The following COP1 variants were observed in gnomAD, a reference collection of about 807,000 sequenced individuals.
The protein encoded by COP1 is COP1 E3 ubiquitin ligase, also known as E3 ubiquitin-protein ligase COP1.
In COP1, 24 loss-of-function variants were observed where a neutral mutation model predicts 101.3. That is an observed-to-expected ratio of 0.24 (90% CI 0.17 to 0.33). The LOEUF (loss-of-function observed/expected upper bound fraction) is 0.33. COP1 is among the 10% of genes least tolerant of loss of function. The pLI is 1.00. For missense variants in COP1, 663 were observed against 906.2 expected, an observed-to-expected ratio of 0.73 and a Z score of 3.45; for synonymous variants, 347 against 341.9, an observed-to-expected ratio of 1.01 and a Z score of -0.17.
intron 11 of COP1, among the ~76,000 whole-genome samples, chr1:176,052,897 C>T (rs1348390938): frequency 1.3e-5 from 2 of 152,038 alleles, no homozygotes; most frequent in Admixed American, 1.3e-4. Flanking sequence ...CATATGAGAG[C>T]AACCTCATTT....
intron 6 of COP1, among the ~76,000 whole-genome samples, chr1:176,148,680 TATC>T (rs1206114848): frequency 1.3e-5 from 2 of 152,154 alleles, no homozygotes; most frequent in African/African-American, 4.8e-5. Flanking sequence ...AAGGCTTTAT[TATC>T]TAAATTTTCC....
intron 14 of COP1, among the ~76,000 whole-genome samples, chr1:176,040,162 ATATC>A (rs1670268697): frequency 6.6e-6 from 1 of 152,124 alleles, no homozygotes; most frequent in South Asian, 2.1e-4. Flanking sequence ...TAAAATAAAT[ATATC>A]TATTGTAACA....
intron 11 of COP1, among the ~76,000 whole-genome samples, chr1:176,066,219 C>T (rs1206403827): frequency 6.6e-6 from 1 of 152,164 alleles, no homozygotes; most frequent in Non-Finnish European, 1.5e-5. Flanking sequence ...AGCCTCTAAG[C>T]CTAGCCATTT....
chr1:176,109,726 T>C (rs1158191297), intron 9 of COP1, among the ~76,000 whole-genome samples: 2 of 152,158 alleles, frequency 1.3e-5, no homozygotes, highest in Non-Finnish European at 1.5e-5. Context: ...TAAAATTACA[T>C]GTCATTAAGA....
chr1:176,154,580 C>T (rs752352313), intron 5 of COP1, among the ~76,000 whole-genome samples: 3 of 151,966 alleles, frequency 2.0e-5, no homozygotes, highest in Non-Finnish European at 4.4e-5. Context: ...GAGAACTAAA[C>T]GATGAGGACA....
intron 9 of COP1, among the ~76,000 whole-genome samples, chr1:176,114,151 G>A (rs1685772231): frequency 6.6e-6 from 1 of 152,068 alleles, no homozygotes; most frequent in African/African-American, 2.4e-5. Flanking sequence ...TACAGGGACT[G>A]CTATTCTCTC....
chr1:176,177,610 G>T (rs1489962496), intron 2 of COP1, among the ~76,000 whole-genome samples: 1 of 151,690 alleles, frequency 6.6e-6, no homozygotes, highest in Non-Finnish European at 1.5e-5. Context: ...TAACACTCAG[G>T]AAAAAAATGA....
intron 5 of COP1, among the ~76,000 whole-genome samples, chr1:176,162,031 G>T (rs1359163584): frequency 2.0e-5 from 3 of 152,108 alleles, no homozygotes; most frequent in Non-Finnish European, 4.4e-5. Flanking sequence ...TCCACCATGT[G>T]ATAAAAAAGT....
intron 9 of COP1, among the ~76,000 whole-genome samples, chr1:176,096,600 C>G (rs1461184733): frequency 6.6e-6 from 1 of 152,212 alleles, no homozygotes; most frequent in Non-Finnish European, 1.5e-5. Context: ...AGGTTCTTCT[C>G]CCAGGGTTAC....
Position 176,061,624 on chromosome 1 carries a change from C to T in COP1, c.1278-15300G>A, listed in dbSNP as rs373802739. ...CTGGGCAGCAAGAGTGAAACTCCGT[C>T]TCAAAATAAAAAAAAGAAAAAGAAA... On this transcript the variant is annotated intron_variant, in intron 11 of 19. Coordinates refer to ENST00000367669, the MANE Select transcript of COP1 (RefSeq NM_022457.7). Among the ~76,000 whole-genome samples the T allele has an allele frequency of 3.5e-4, 53 of 151,688 alleles. No homozygotes were observed. The East Asian group carries it at 7.4e-3, about 21-fold the overall frequency.
chr1:175,968,299 T>C (rs1195229523), intron 18 of COP1: 1 of 319,156 alleles, frequency 3.1e-6, no homozygotes, highest in Middle Eastern at 5.3e-4. Context: ...GAGGTAACTT[T>C]ACTTGGTTGC....
chr1:175,989,435 T>C lies in COP1; in HGVS notation c.1774A>G (p.Ile592Val), dbSNP rs769230149. The change falls in exon 16 of 20, where the codon ATC (isoleucine) becomes GTC (valine). Residue 592 changes from isoleucine (I) to valine (V), a missense_variant. By Grantham distance (29) the Ile-to-Val change is conservative. Around this residue, in one of 4 missense-constraint regions of COP1, gnomAD observed 209 missense variants for 383.3 expected, o/e 0.55. Coordinates refer to ENST00000367669, the MANE Select transcript of COP1 (RefSeq NM_022457.7). ...TTACGGTGTCCTTTGAATACCATGA[T>C]TGGCTGTTTAGTGTTACGAAGATCA... The part of the protein sequence containing the change: ...YYDLRNTKQP[I>V]MVFKGHRKAV... 8.1e-6 allele frequency: 13 copies of C among 1,609,808 alleles called. No individual in the cohort carries two copies. In the Middle Eastern group the frequency reaches 6.6e-4, roughly 82 times the overall value.
chr1:176,080,812 A>C (rs184066576), intron 11 of COP1, among the ~76,000 whole-genome samples: 211 of 152,322 alleles, frequency 1.4e-3, no homozygotes, highest in Admixed American at 3.8e-3. Flanking sequence ...AAATTCTACA[A>C]AATATTTAAG....
At position 176,136,565 on chromosome 1, in the gene COP1, A is replaced by G; in HGVS notation, c.832-18T>C. On this transcript the variant is annotated intron_variant, in intron 6 of 19. Coordinates refer to ENST00000367669, the MANE Select transcript of COP1 (RefSeq NM_022457.7). Reference sequence around the variant, plus strand: ...TCCAGTTGCTGCAGATTAAATAGAGAGAGAAAGACAAAAAAAAAAAAGCCT... The same window carrying G: ...TCCAGTTGCTGCAGATTAAATAGAGGGAGAAAGACAAAAAAAAAAAAGCCT... 6.5e-7 allele frequency: 1 copy of G among 1,529,720 alleles called. No homozygotes were observed. The highest frequency in any genetic ancestry group is 8.8e-7 in the Non-Finnish European group (1 of 1,131,426). 94.8% of individuals were successfully genotyped at this position (1,529,720 alleles called of 1,614,324 possible).
intron 10 of COP1, among the ~76,000 whole-genome samples, chr1:176,084,698 C>T (rs532050326): frequency 4.6e-5 from 7 of 151,876 alleles, no homozygotes; most frequent in Middle Eastern, 6.8e-3. Context: ...AGGAAAAATG[C>T]TTTGTAAATC....
chr1:175,945,519 G>T (rs1241494112), intron 19 of COP1, among the ~76,000 whole-genome samples: 4 of 152,202 alleles, frequency 2.6e-5, no homozygotes, highest in African/African-American at 4.8e-5. Context: ...AAGTATCCTT[G>T]TTTAGGATTT....
chr1:176,001,924 G>A (rs1234062625), intron 15 of COP1, among the ~76,000 whole-genome samples: 3 of 152,008 alleles, frequency 2.0e-5, no homozygotes, highest in Non-Finnish European at 2.9e-5. Context: ...ACTGCCTGCT[G>A]GCAGTAATGA....
chr1:176,037,163 G>GA (rs1211268037), intron 14 of COP1, among the ~76,000 whole-genome samples: 4 of 152,180 alleles, frequency 2.6e-5, no homozygotes, highest in Non-Finnish European at 4.4e-5. Flanking sequence ...AGCACTTTGG[G>GA]AGGCCGAGGC....
At chr1:176,113,038 A>T (rs1451749922) in intron 9 of COP1, among the ~76,000 whole-genome samples, 1 of 152,236 alleles carries the variant, frequency 6.6e-6, no homozygotes, top group Middle Eastern at 3.4e-3. Flanking sequence ...GAGTGCAGGT[A>T]TCTCTTCCTT....
Sources: allele counts gnomAD v4.1 joint callset (sites outside exome capture counted in the v4.1 genomes callset), GRCh38; gene constraint gnomAD v4.1.1; regional missense constraint gnomAD v4.1.1; transcripts MANE v1.5; gene names NCBI Gene and HGNC (gene_info 2026-07-23, HGNC 2026-07-21).